Variants in FKBP15 observed in about 807,000 individuals in gnomAD.
FKBP15 encodes FK506-binding protein 15.
In FKBP15, 106 loss-of-function variants were observed where a neutral mutation model predicts 158.1. The observed-to-expected ratio is 0.67, with a 90% CI of 0.57 to 0.79. The LOEUF (loss-of-function observed/expected upper bound fraction) is 0.79, where lower values mean the gene tolerates loss of function less well. FKBP15 is among the 30% of genes least tolerant of loss of function. The pLI is 0.00. For missense variants in FKBP15, 1,287 were observed against 1,479.1 expected, an observed-to-expected ratio of 0.87 and a Z score of 2.13; for synonymous variants, 547 against 548.6, an observed-to-expected ratio of 1.00 and a Z score of 0.04.
In FKBP15 at chr9:113,164,145, A is replaced by ACTGTT. The variant is rs1830062821; in HGVS notation, c.*1928_*1932dup. 2 of 152,616 alleles carry ACTGTT rather than the reference A, an allele frequency of 1.3e-5. No individual in the cohort carries two copies. The highest frequency in any genetic ancestry group is 6.5e-5 in the Admixed American group (1 of 15,288). 9.5% of individuals were successfully genotyped at this position (152,616 alleles called of 1,614,324 possible). A position where few individuals can be genotyped will look rare whatever the true frequency, so the allele number is the denominator to read the frequency against. Reference sequence around the variant, plus strand: ...AATATATATTTTTAAATAGTCTATGACTGTTCTGTTCTCCTAATTCCAACA... The same window carrying ACTGTT: ...AATATATATTTTTAAATAGTCTATGACTGTTCTGTTCTGTTCTCCTAATTCCAACA... On this transcript the variant is annotated 3_prime_UTR_variant, in exon 28 of 28. Coordinates refer to ENST00000238256, the MANE Select transcript of FKBP15 (RefSeq NM_015258.2).
chr9:113,176,736 C>T, intron 20 of FKBP15, 63 bp from the exon 21 acceptor site: 1 of 1,518,720 alleles, frequency 6.6e-7, no homozygotes, highest in Non-Finnish European at 8.9e-7. Flanking sequence ...TATGTGTTAT[C>T]CCAGCAGCTC....
chr9:113,178,936 C>A, intron 19 of FKBP15, 135 bp from the exon 20 acceptor site: 1 of 739,202 alleles, frequency 1.4e-6, no homozygotes, highest in Non-Finnish European at 2.1e-6. Flanking sequence ...TGCATTAAAC[C>A]AAATTCAAAT....
intron 11 of FKBP15, among the ~76,000 whole-genome samples, chr9:113,191,276 C>T (rs12339424): frequency 1.3e-5 from 2 of 151,452 alleles, no homozygotes; most frequent in Non-Finnish European, 2.9e-5. Flanking sequence ...AGATTTAAGA[C>T]GTCTTCCCAC....
intron 6 of FKBP15, among the ~76,000 whole-genome samples, chr9:113,200,583 T>G (rs1400221923): frequency 6.6e-6 from 1 of 152,198 alleles, no homozygotes; most frequent in Non-Finnish European, 1.5e-5. Flanking sequence ...ATTATTCTAT[T>G]CTATTTATGA....
chr9:113,182,304 CA>C (rs1245464372), intron 19 of FKBP15, among the ~76,000 whole-genome samples: 2 of 152,126 alleles, frequency 1.3e-5, no homozygotes, highest in Non-Finnish European at 2.9e-5. Context: ...GATCCCAATC[CA>C]AGACCCACTA....
chr9:113,173,070 T>C (rs1044686355), intron 23 of FKBP15, among the ~76,000 whole-genome samples: 1 of 152,168 alleles, frequency 6.6e-6, no homozygotes, highest in African/African-American at 2.4e-5. Flanking sequence ...CTGGGCCCCA[T>C]AGCACTTAAC....
chr9:113,177,522 C>T (rs1375802492), intron 20 of FKBP15, among the ~76,000 whole-genome samples: 3 of 152,170 alleles, frequency 2.0e-5, no homozygotes, highest in Non-Finnish European at 4.4e-5. Flanking sequence ...ATGGCCAATG[C>T]CTGTTAATCC....
At chr9:113,220,781 T>C (rs1345980006) in intron 1 of FKBP15, among the ~76,000 whole-genome samples, 2 of 152,182 alleles carry the variant, frequency 1.3e-5, no homozygotes, top group Non-Finnish European at 2.9e-5. Context: ...AGCTGGGCCT[T>C]GAAGAATGCT....
Position 113,161,965 on chromosome 9 carries a change from A to G in FKBP15, c.*4113T>C. 3.6e-6 allele frequency: 2 copies of G among 550,528 alleles called. No homozygotes were observed. Among genetic ancestry groups the G allele is most frequent in the Non-Finnish European group, 6.6e-6 (2 of 303,278 alleles). The allele number at this position is 550,528 out of a possible 1,614,324, so 34.1% of individuals were successfully genotyped here. On this transcript the variant is annotated 3_prime_UTR_variant, in exon 28 of 28. Coordinates refer to ENST00000238256, the MANE Select transcript of FKBP15 (RefSeq NM_015258.2). ...CAGTGATCTTCAGGTGCAGGCCCCT[A>G]TCTAGCAAATGAGGTGGCCACCCAC...
chr9:113,184,562 A>G lies in FKBP15; in HGVS notation c.1608+133T>C. On this transcript the variant is annotated intron_variant, in intron 16 of 27. Transcript: ENST00000238256. The surrounding 1 kb of genome is among the most constrained non-coding windows in gnomAD (Gnocchi z 4.5). ...CTACTAACTGGATCCCAACATAATT[A>G]TAACTATCCTTGTAGGGAAATAACC... 1.1e-6 allele frequency: 1 copy of G among 923,160 alleles called. No homozygotes were observed. The highest frequency in any genetic ancestry group is 1.5e-5 in the South Asian group (1 of 67,222). The allele number at this position is 923,160 out of a possible 1,614,324, so 57.2% of individuals were successfully genotyped here.
intron 11 of FKBP15, among the ~76,000 whole-genome samples, chr9:113,191,930 T>C (rs1159933893): frequency 6.6e-6 from 1 of 150,610 alleles, no homozygotes; most frequent in Non-Finnish European, 1.5e-5. Context: ...TAATTACCTA[T>C]TCAAAACAAA....
chr9:113,209,034 T>C (rs1830951701), intron 2 of FKBP15, among the ~76,000 whole-genome samples: 2 of 150,288 alleles, frequency 1.3e-5, no homozygotes, highest in African/African-American at 4.9e-5. Context: ...AAAAATTCCC[T>C]TGAACAGAGA....
chr9:113,211,151 CTT>C lies in FKBP15; in HGVS notation c.169+324_169+325del, dbSNP rs538817319. Among the ~76,000 whole-genome samples, 1,172 of 152,216 alleles carry C rather than the reference CTT, an allele frequency of 7.7e-3. 11 individuals carry two copies. Among genetic ancestry groups the C allele is most frequent in the Non-Finnish European group, 0.01 (686 of 67,988 alleles). ...TCCCTCTAGAGAACCCTAATACACT[CTT>C]GTTTTTATTTTGTTTCAGTTTTGTT... On this transcript the variant is annotated intron_variant, in intron 2 of 27. Coordinates refer to ENST00000238256, the MANE Select transcript of FKBP15 (RefSeq NM_015258.2).
At chr9:113,172,729 C>G (rs1016175460) in intron 23 of FKBP15, among the ~76,000 whole-genome samples, 3 of 152,220 alleles carry the variant, frequency 2.0e-5, no homozygotes, top group African/African-American at 7.2e-5. Flanking sequence ...GTCATTTAGA[C>G]ATAAACATTC....
At chr9:113,182,950 CACA>C in intron 18 of FKBP15, 82 bp from the exon 19 acceptor site, 1 of 1,092,068 alleles carries the variant, frequency 9.2e-7, no homozygotes. Flanking sequence ...ATTCTGTCCT[CACA>C]ACATTGCTGC....
At chr9:113,178,486 G>T in intron 20 of FKBP15, 144 bp downstream of exon 20, 1 of 754,520 alleles carries the variant, frequency 1.3e-6, no homozygotes. Flanking sequence ...AATCATGTAG[G>T]TTTTATACTA....
Position 113,206,545 on chromosome 9 carries a change from A to G in FKBP15, c.288T>C (p.Phe96=). 6.2e-7 allele frequency: 1 copy of G among 1,613,978 alleles called. No homozygotes were observed. Among genetic ancestry groups the G allele is most frequent in the Non-Finnish European group, 8.5e-7 (1 of 1,179,870 alleles). Reference sequence around the variant, plus strand: ...TGTGGTTCCCCAGAACTGCAGCACCAAATTTGCCCTGCTTTACATATTGAC... The same window carrying G: ...TGTGGTTCCCCAGAACTGCAGCACCGAATTTGCCCTGCTTTACATATTGAC... ...TNGQYVKQGK[F]GAAVLGNHTA... The change falls in exon 4 of 28, where the codon TTT becomes TTC. Residue 96 remains phenylalanine, a synonymous_variant. Coordinates refer to ENST00000238256, the MANE Select transcript of FKBP15 (RefSeq NM_015258.2).
chr9:113,176,677 G>C lies in FKBP15; in HGVS notation c.2087-4C>G, dbSNP rs757234118. 1.9e-6 allele frequency: 3 copies of C among 1,608,932 alleles called. No individual in the cohort carries two copies. The highest frequency in any genetic ancestry group is 2.5e-6 in the Non-Finnish European group (3 of 1,177,158). On this transcript the variant is annotated splice_region_variant and splice_polypyrimidine_tract_variant and intron_variant, in intron 20 of 27. Transcript: ENST00000238256. ...TGCTCAGAGGTTTCTTGGAGCTCTG[G>C]GATACAGGAGCAGAGAGACTTCGCT...
Position 113,163,136 on chromosome 9 carries a change from TG to T in FKBP15, c.*2941del, listed in dbSNP as rs1251373728. ...CCTACGTAGGGCCCAGGCATGGTCT[TG>T]TGTCTTAAGACAGCTGCTGTGACCA... On this transcript the variant is annotated 3_prime_UTR_variant, in exon 28 of 28. Transcript: ENST00000238256. 6 of 445,718 alleles carry T rather than the reference TG, an allele frequency of 1.3e-5. No individual in the cohort carries two copies. Among genetic ancestry groups the T allele is most frequent in the African/African-American group, 4.0e-5 (2 of 49,440 alleles). The allele number at this position is 445,718 out of a possible 1,614,324, so 27.6% of individuals were successfully genotyped here. A position where few individuals can be genotyped will look rare whatever the true frequency, so the allele number is the denominator to read the frequency against.
Sources: allele counts gnomAD v4.1 joint callset (sites outside exome capture counted in the v4.1 genomes callset), GRCh38; gene constraint gnomAD v4.1.1; non-coding constraint Gnocchi (gnomAD v3.1); transcripts MANE v1.5; gene names NCBI Gene and HGNC (gene_info 2026-07-23, HGNC 2026-07-21).